COL11A2: variants seen among roughly 807,000 people sequenced by gnomAD.
COL11A2 encodes the protein collagen type XI alpha 2 chain.
A neutral mutation model predicts 273.4 loss-of-function variants in COL11A2; 116 were observed. That is an observed-to-expected ratio of 0.42 (90% CI 0.36 to 0.49). The LOEUF is 0.49. Among genes scored for constraint, COL11A2 ranks in the 20% least tolerant of loss-of-function variants. The probability of loss-of-function intolerance (pLI) is 0.00; values close to 1 mark genes in which losing one functional copy is unlikely to be tolerated. For missense variants in COL11A2, 1,866 were observed against 2,309.0 expected (o/e 0.81, Z 3.93); for synonymous variants, 782 against 864.2 (o/e 0.90, Z 1.67).
At position 33,192,220 on chromosome 6, in the gene COL11A2, G is replaced by A; in HGVS notation, c.21C>T (p.Cys7=). The change falls in exon 1 of 66, where the codon TGC becomes TGT. Residue 7 remains cysteine (C), a synonymous_variant. Coordinates refer to ENST00000341947, the MANE Select transcript of COL11A2 (RefSeq NM_080680.3). ...GAGGTAGGAGGAGGAGGAGGCGATG[G>A]CAGCGGCTGCACCGCTCCATGGCTG... MERCSR[C]HRLLLLLPLV... 1 of 1,563,038 alleles carries A rather than the reference G, an allele frequency of 6.4e-7. No homozygotes were observed. Among genetic ancestry groups the A allele is most frequent in the Non-Finnish European group, 8.7e-7 (1 of 1,153,812 alleles).
Position 33,177,245 on chromosome 6 carries a change from A to G in COL11A2, c.1972-20T>C. 1 of 1,612,996 alleles carries G rather than the reference A, an allele frequency of 6.2e-7. No homozygotes were observed. The highest frequency in any genetic ancestry group is 8.5e-7 in the Non-Finnish European group (1 of 1,179,984). On this transcript the variant is annotated intron_variant, in intron 23 of 65. Transcript: ENST00000341947. The surrounding 1 kb of genome is among the most constrained non-coding windows in gnomAD (Gnocchi z 5.9). ...AAGACCCTACATACAGGGAAAGAGAAGTCACAGGGGCCTCCCAGGGTCTCT... is the reference window on the plus strand; with the variant it reads ...AAGACCCTACATACAGGGAAAGAGAGGTCACAGGGGCCTCCCAGGGTCTCT...
Position 33,177,958 on chromosome 6 carries a change from C to G in COL11A2, c.1872+174G>C. On this transcript the variant is annotated intron_variant, in intron 21 of 65. Coordinates refer to ENST00000341947, the MANE Select transcript of COL11A2 (RefSeq NM_080680.3). The surrounding 1 kb of genome is among the most constrained non-coding windows in gnomAD (Gnocchi z 5.9). ...AGGGCACCACGCCACATGGCCCTCC[C>G]TGTGCACGGGGAGCGAATGCTGAGG... The G allele has an allele frequency of 1.2e-6, 1 of 810,622 alleles. No homozygotes were observed. Among genetic ancestry groups the G allele is most frequent in the African/African-American group, 1.7e-5 (1 of 58,486 alleles). 50.2% of individuals were successfully genotyped at this position (810,622 alleles called of 1,614,324 possible). A position where few individuals can be genotyped will look rare whatever the true frequency, so the allele number is the denominator to read the frequency against.
rs529404919 is a variant in COL11A2, at chr6:33,164,117, G to A, written c.5070+150C>T. 43 of 999,218 alleles carry A rather than the reference G, an allele frequency of 4.3e-5. No individual in the cohort carries two copies. In the African/African-American group the frequency reaches 5.7e-4, roughly 13 times the overall value. 61.9% of individuals were successfully genotyped at this position (999,218 alleles called of 1,614,324 possible). A position where few individuals can be genotyped will look rare whatever the true frequency, so the allele number is the denominator to read the frequency against. On this transcript the variant is annotated intron_variant, in intron 65 of 65. Coordinates refer to ENST00000341947, the MANE Select transcript of COL11A2 (RefSeq NM_080680.3). This position sits in a 1 kb window ranked among gnomAD's most constrained non-coding sequence, Gnocchi z 4.7. Reference sequence around the variant, plus strand: ...TTCCATCCTTTCCACCTTCCTCACCGGCTTTTGAGCTCCCTCAGGCATCCC... The same window carrying A: ...TTCCATCCTTTCCACCTTCCTCACCAGCTTTTGAGCTCCCTCAGGCATCCC...
In COL11A2 at chr6:33,184,291, C is replaced by T. The variant is rs369790491; in HGVS notation, c.973G>A (p.Asp325Asn). ...QTDLQVPPTA[D>N]RFQAEEYGEG... is the part of the protein sequence containing the mutation. ...CCATATTCCTCTGCCTGGAACCTGTCGGCTGTGGGGGGGACCTGGAGATCT... is the reference window on the plus strand; with the variant it reads ...CCATATTCCTCTGCCTGGAACCTGTTGGCTGTGGGGGGGACCTGGAGATCT... Residue 325 changes from aspartate (D) to asparagine (N), a missense_variant, in exon 8 of 66, where the codon GAC becomes AAC. By Grantham distance (23) the Asp-to-Asn change is conservative. Transcript: ENST00000341947. The T allele has an allele frequency of 5.5e-5, 75 of 1,367,406 alleles. No individual in the cohort carries two copies. Among genetic ancestry groups the T allele is most frequent in the Non-Finnish European group, 6.2e-5 (63 of 1,021,946 alleles). The allele number at this position is 1,367,406 out of a possible 1,614,324, so 84.7% of individuals were successfully genotyped here.
At position 33,189,452 on chromosome 6, in the gene COL11A2, C is replaced by T; in HGVS notation, c.100G>A (p.Val34Met). The change falls in exon 2 of 66, where the codon GTG (valine) becomes ATG (methionine). Residue 34 changes from valine (V) to methionine (M), a missense_variant. Val to Met is a conservative substitution (Grantham distance 21). Coordinates refer to ENST00000341947, the MANE Select transcript of COL11A2 (RefSeq NM_080680.3). The surrounding 1 kb of genome is among the most constrained non-coding windows in gnomAD (Gnocchi z 5.6). ...PGWAGAPPVD[V>M]LRALRFPSLP... ...GAGGGGAACCTCAGGGCCCGGAGCACATCCACAGGGGGTGCACCTGGGAGA... is the reference window on the plus strand; with the variant it reads ...GAGGGGAACCTCAGGGCCCGGAGCATATCCACAGGGGGTGCACCTGGGAGA... The T allele has an allele frequency of 1.2e-6, 2 of 1,613,092 alleles. No individual in the cohort carries two copies. The highest frequency in any genetic ancestry group is 1.7e-6 in the Non-Finnish European group (2 of 1,180,022).
chr6:33,175,747 A>G, intron 29 of COL11A2, 66 bp from the exon 30 acceptor site: 2 of 1,478,632 alleles, frequency 1.4e-6, no homozygotes, highest in Non-Finnish European at 1.9e-6. Flanking sequence ...CAGAGGAGAA[A>G]TGGGCAACAG....
intron 4 of COL11A2, 98 bp from the exon 5 acceptor site, chr6:33,186,916 C>A: frequency 6.5e-7 from 1 of 1,541,678 alleles, no homozygotes; most frequent in Non-Finnish European, 8.9e-7. Context: ...TAGGTAAAAC[C>A]CTAAGATGGG....
In COL11A2 at chr6:33,176,030, C is replaced by T. The variant is rs201076557; in HGVS notation, c.2254G>A (p.Val752Met). 3.2e-4 allele frequency: 522 copies of T among 1,612,886 alleles called. 1 individual carries two copies. Among genetic ancestry groups the T allele is most frequent in the Non-Finnish European group, 4.1e-4 (478 of 1,180,030 alleles). Reference protein sequence around the residue: ...GFPGFKGDIGVKGDRGEVGVP... With the variant: ...GFPGFKGDIGMKGDRGEVGVP... Reference sequence around the variant, plus strand: ...TCTCTACTCACCCTGTCACCTTTCACGCCTATGTCACCTTTGAACCCAGGA... The same window carrying T: ...TCTCTACTCACCCTGTCACCTTTCATGCCTATGTCACCTTTGAACCCAGGA... The change falls in exon 29 of 66, where the codon GTG becomes ATG. Residue 752 changes from valine (V) to methionine (M), a missense_variant. Coordinates refer to ENST00000341947, the MANE Select transcript of COL11A2 (RefSeq NM_080680.3). The surrounding 1 kb of genome is among the most constrained non-coding windows in gnomAD (Gnocchi z 4.9).
At chr6:33,188,744 G>A (rs529699048) in intron 3 of COL11A2, among the ~76,000 whole-genome samples, 1 of 152,320 alleles carries the variant, frequency 6.6e-6, no homozygotes, top group Admixed American at 6.5e-5. Flanking sequence ...TGTAGAAACT[G>A]AGGCTCAAAA....
Position 33,165,550 on chromosome 6 carries a change from A to G in COL11A2, c.4749T>C (p.Asp1583=). 2 of 1,612,694 alleles carry G rather than the reference A, an allele frequency of 1.2e-6. No homozygotes were observed. Among genetic ancestry groups the G allele is most frequent in the Non-Finnish European group, 1.7e-6 (2 of 1,180,002 alleles). ...DLKLCHPELP[D]GEYWVDPNQG... Reference sequence around the variant, plus strand: ...GTGCACCCTGAGGCTAGCACTGACCATCGGGAAGCTCTGGGTGGCACAGCT... The same window carrying G: ...GTGCACCCTGAGGCTAGCACTGACCGTCGGGAAGCTCTGGGTGGCACAGCT... Residue 1583 remains aspartate, a splice_region_variant and synonymous_variant, in exon 63 of 66, where the codon GAT becomes GAC. Coordinates refer to ENST00000341947, the MANE Select transcript of COL11A2 (RefSeq NM_080680.3). This position sits in a 1 kb window ranked among gnomAD's most constrained non-coding sequence, Gnocchi z 7.7.
chr6:33,185,848 A>G, intron 5 of COL11A2, 70 bp from the exon 6 acceptor site: 1 of 514,864 alleles, frequency 1.9e-6, no homozygotes, highest in Non-Finnish European at 3.9e-6. Context: ...GAAGGGCGGG[A>G]GAGGGAGATA....
At chr6:33,193,379 C>T (rs913727430), upstream of COL11A2, among the ~76,000 whole-genome samples, 1 of 147,366 alleles carries the variant, frequency 6.8e-6, no homozygotes, top group Admixed American at 6.7e-5. Flanking sequence ...ACCGCCCCCC[C>T]TTCCTCCTCC....
Position 33,170,768 on chromosome 6 carries a change from C to G in COL11A2, c.3474+42G>C. ...AGTCTGGGGCAAAACATCACCCCAT[C>G]CTGACCCCACCTCTCAGCCCCTGTC... On this transcript the variant is annotated intron_variant, in intron 46 of 65. Transcript: ENST00000341947. The surrounding 1 kb of genome is among the most constrained non-coding windows in gnomAD (Gnocchi z 4.3). 1 of 1,605,442 alleles carries G rather than the reference C, an allele frequency of 6.2e-7. No homozygotes were observed. Among genetic ancestry groups the G allele is most frequent in the Non-Finnish European group, 8.5e-7 (1 of 1,173,372 alleles).
Position 33,189,254 on chromosome 6 carries a change from T to G in COL11A2, c.232+66A>C, listed in dbSNP as rs548271469. 6.2e-7 allele frequency: 1 copy of G among 1,613,562 alleles called. No individual in the cohort carries two copies. The highest frequency in any genetic ancestry group is 1.7e-5 in the Admixed American group (1 of 59,982). On this transcript the variant is annotated intron_variant, in intron 2 of 65. Transcript: ENST00000341947. This position sits in a 1 kb window ranked among gnomAD's most constrained non-coding sequence, Gnocchi z 5.6. Reference sequence around the variant, plus strand: ...GGAGCCGCCACAACCCCTTTCCTCCTGGTGTCTGATCCTAGGCCCCATCCC... The same window carrying G: ...GGAGCCGCCACAACCCCTTTCCTCCGGGTGTCTGATCCTAGGCCCCATCCC...
chr6:33,179,578 C>A lies in COL11A2; in HGVS notation c.1447-91G>T. 6.9e-7 allele frequency: 1 copy of A among 1,447,602 alleles called. No homozygotes were observed. The highest frequency in any genetic ancestry group is 9.5e-7 in the Non-Finnish European group (1 of 1,053,870). 89.7% of individuals were successfully genotyped at this position (1,447,602 alleles called of 1,614,324 possible). A position where few individuals can be genotyped will look rare whatever the true frequency, so the allele number is the denominator to read the frequency against. On this transcript the variant is annotated intron_variant, in intron 13 of 65. Coordinates refer to ENST00000341947, the MANE Select transcript of COL11A2 (RefSeq NM_080680.3). The surrounding 1 kb of genome is among the most constrained non-coding windows in gnomAD (Gnocchi z 6.4). ...CCAAATTCACCCTTCCTCTCCTGATCCTCATCCACTGCCCAGGATTCTCCC... is the reference window on the plus strand; with the variant it reads ...CCAAATTCACCCTTCCTCTCCTGATACTCATCCACTGCCCAGGATTCTCCC...
At chr6:33,193,224 C>G (rs1773392764), upstream of COL11A2, among the ~76,000 whole-genome samples, 1 of 151,986 alleles carries the variant, frequency 6.6e-6, no homozygotes, top group South Asian at 2.1e-4. Flanking sequence ...CAGCGCTCGG[C>G]GCCCAGTGCG....
Position 33,169,984 on chromosome 6 carries a change from G to A in COL11A2, c.3636+63C>T. On this transcript the variant is annotated intron_variant, in intron 49 of 65. Coordinates refer to ENST00000341947, the MANE Select transcript of COL11A2 (RefSeq NM_080680.3). The surrounding 1 kb of genome is among the most constrained non-coding windows in gnomAD (Gnocchi z 5.5). The stretch of plus-strand genomic sequence containing the variant: ...CTCTTTTGTCTCCCCACCCAAAATT[G>A]GCAGAAATCCAACTCCCATCCCCCA... 6.2e-7 allele frequency: 1 copy of A among 1,612,176 alleles called. No homozygotes were observed. Among genetic ancestry groups the A allele is most frequent in the Non-Finnish European group, 8.5e-7 (1 of 1,178,666 alleles).
rs1247408115 is a variant in COL11A2 at position 33,164,847 on chromosome 6, C to G, written c.4863+5G>C. ...GGGGAGGGGCAGCGAGGGGCCAGCTCTCACCTGCGTGACGTCATCCCTAGG... is the reference window on the plus strand; with the variant it reads ...GGGGAGGGGCAGCGAGGGGCCAGCTGTCACCTGCGTGACGTCATCCCTAGG... On this transcript the variant is annotated splice_donor_5th_base_variant and intron_variant, in intron 64 of 65. Coordinates refer to ENST00000341947, the MANE Select transcript of COL11A2 (RefSeq NM_080680.3). This position sits in a 1 kb window ranked among gnomAD's most constrained non-coding sequence, Gnocchi z 4.7. 6.4e-7 allele frequency: 1 copy of G among 1,554,310 alleles called. No individual in the cohort carries two copies. The highest frequency in any genetic ancestry group is 1.9e-5 in the Admixed American group (1 of 51,428).
intron 6 of COL11A2, among the ~76,000 whole-genome samples, 179 bp from the exon 7 acceptor site, chr6:33,185,233 C>T (rs1030762711): frequency 6.6e-6 from 1 of 152,184 alleles, no homozygotes; most frequent in Non-Finnish European, 1.5e-5. Context: ...GAGAGTGAAC[C>T]TCCAAGGTCA....
Sources: gnomAD v4.1 joint callset for allele counts (sites outside exome capture counted in the v4.1 genomes callset) on GRCh38, gnomAD v4.1.1 for gene constraint, Gnocchi (gnomAD v3.1) non-coding constraint, MANE v1.5 for transcripts, NCBI Gene and HGNC (gene_info 2026-07-23, HGNC 2026-07-21) for gene names.